The following ASTN2 variants were observed in gnomAD, a reference collection of about 807,000 sequenced individuals.
ASTN2 encodes the protein astrotactin-2.
A neutral mutation model predicts 139.8 loss-of-function variants in ASTN2; 54 were observed. The ratio of observed to expected loss-of-function variants is 0.39; its 90% CI spans 0.31 to 0.48. ASTN2 has a LOEUF of 0.48. Ranked by LOEUF, ASTN2 falls within the 20% of genes least tolerant of loss-of-function variation. ASTN2 has a pLI of 0.95. For synonymous variants in ASTN2, 756 were observed against 719.5 expected, an observed-to-expected ratio of 1.05 and a Z score of -0.81; for missense variants, 1,565 against 1,725.1, an observed-to-expected ratio of 0.91 and a Z score of 1.64.
intron 5 of ASTN2, among the ~76,000 whole-genome samples, chr9:117,040,566 C>G (rs1838533659): frequency 6.6e-6 from 1 of 152,214 alleles, no homozygotes; most frequent in African/African-American, 2.4e-5. Context: ...TCAAGTGATT[C>G]TCCCACTTCA....
chr9:117,180,458 G>A (rs1009471104), intron 3 of ASTN2, among the ~76,000 whole-genome samples: 4 of 152,082 alleles, frequency 2.6e-5, no homozygotes, highest in East Asian at 1.9e-4. Flanking sequence ...CAGCTCAAAT[G>A]TCTCCTCTTG....
chr9:116,877,418 T>C (rs774386937), intron 10 of ASTN2, among the ~76,000 whole-genome samples: 1 of 152,222 alleles, frequency 6.6e-6, no homozygotes, highest in African/African-American at 2.4e-5. Context: ...TCTATATCTA[T>C]GGCTATAGCT....
chr9:117,114,818 T>C (rs137893697), intron 4 of ASTN2, among the ~76,000 whole-genome samples: 1,652 of 152,262 alleles, frequency 0.011, 31 homozygotes, highest in African/African-American at 0.038. Flanking sequence ...AACCAGTCAC[T>C]ATCCAAGAAA....
At chr9:117,323,774 T>TCA (rs1828417933) in intron 1 of ASTN2, among the ~76,000 whole-genome samples, 1 of 152,160 alleles carries the variant, frequency 6.6e-6, no homozygotes, top group African/African-American at 2.4e-5. Context: ...TTTTCTTTCT[T>TCA]TATATATATA....
chr9:116,540,440 A>T (rs1851829354), intron 19 of ASTN2: 1 of 152,252 alleles, frequency 6.6e-6, no homozygotes, highest in African/African-American at 2.4e-5. Flanking sequence ...TGAATCTCAG[A>T]TCCCCAGAGA....
intron 1 of ASTN2, among the ~76,000 whole-genome samples, chr9:117,358,317 C>A (rs1201967056): frequency 3.3e-5 from 5 of 151,872 alleles, no homozygotes; most frequent in Non-Finnish European, 5.9e-5. Context: ...CATCCACACA[C>A]ATACCCAAGG....
chr9:117,280,743 C>A (rs572684497), intron 2 of ASTN2, among the ~76,000 whole-genome samples: 26 of 152,038 alleles, frequency 1.7e-4, no homozygotes, highest in Non-Finnish European at 3.2e-4. Flanking sequence ...TCACGGCAGC[C>A]TTAGGAAGCA....
At chr9:117,112,363 G>C (rs1829272333) in intron 4 of ASTN2, among the ~76,000 whole-genome samples, 1 of 152,006 alleles carries the variant, frequency 6.6e-6, no homozygotes. Flanking sequence ...AAAGTTGGTA[G>C]ACTTAACACT....
At chr9:117,279,290 T>C (rs898775188) in intron 2 of ASTN2, among the ~76,000 whole-genome samples, 20 of 152,224 alleles carry the variant, frequency 1.3e-4, no homozygotes, top group Admixed American at 3.9e-4. Flanking sequence ...ACTAGAAATA[T>C]ATGTTTAATT....
intron 12 of ASTN2, among the ~76,000 whole-genome samples, chr9:116,810,768 A>C (rs368833373): frequency 6.6e-6 from 1 of 152,162 alleles, no homozygotes; most frequent in Admixed American, 6.5e-5. Flanking sequence ...TATAAGATAG[A>C]TGTTATCCAT....
intron 7 of ASTN2, among the ~76,000 whole-genome samples, chr9:117,005,325 G>C (rs761065811): frequency 5.9e-5 from 9 of 151,486 alleles, no homozygotes; most frequent in South Asian, 4.2e-4. Flanking sequence ...CTGACCTAGT[G>C]ATCCACCTGT....
chr9:117,296,170 C>T (rs532610847), intron 1 of ASTN2, among the ~76,000 whole-genome samples: 18 of 149,712 alleles, frequency 1.2e-4, no homozygotes, highest in Non-Finnish European at 2.5e-4. Context: ...CCCAGCTACT[C>T]GGAAGGCTGA....
Position 116,725,929 on chromosome 9 carries a change from A to T in ASTN2, c.2648T>A (p.Ile883Asn). The T allele has an allele frequency of 6.2e-7, 1 of 1,613,394 alleles. No homozygotes were observed. The highest frequency in any genetic ancestry group is 8.5e-7 in the Non-Finnish European group (1 of 1,179,804). The change falls in exon 16 of 23, where the codon ATC becomes AAC. Residue 883 changes from isoleucine to asparagine, a missense_variant. Physicochemically the swap from Ile to Asn is moderately radical, Grantham distance 149. Transcript: ENST00000313400. ...CTCCCGACTGCTCTCCTTGGTCAGG[A>T]TCTTGAGAACATTAGTGAAGCCTGG... ...LAAGFTNVLK[I>N]LTKESSREEL...
chr9:116,929,117 G>A (rs1834833348), intron 10 of ASTN2, among the ~76,000 whole-genome samples: 1 of 152,168 alleles, frequency 6.6e-6, no homozygotes, highest in Non-Finnish European at 1.5e-5. Context: ...AAAGGACTTG[G>A]GAACTAGAAT....
At chr9:116,946,855 C>T (rs2132478620) in intron 10 of ASTN2, among the ~76,000 whole-genome samples, 1 of 150,502 alleles carries the variant, frequency 6.6e-6, no homozygotes, top group East Asian at 2.0e-4. Context: ...GGCTTTTCCC[C>T]ATGCCACCCC....
At chr9:117,323,897 A>C (rs10983619) in intron 1 of ASTN2, among the ~76,000 whole-genome samples, 50,288 of 152,058 alleles carry the variant, frequency 0.33, 8,991 homozygotes, top group East Asian at 0.48. Context: ...TGTGTAACTC[A>C]CTTCACTTAA....
chr9:116,906,106 G>A (rs1834151519), intron 10 of ASTN2, among the ~76,000 whole-genome samples: 1 of 151,974 alleles, frequency 6.6e-6, no homozygotes, highest in Admixed American at 6.6e-5. Context: ...CAGTGCTTGG[G>A]GCTCGAGATG....
At chr9:117,283,105 C>G (rs937146955) in intron 2 of ASTN2, among the ~76,000 whole-genome samples, 1 of 151,698 alleles carries the variant, frequency 6.6e-6, no homozygotes, top group Admixed American at 6.6e-5. Flanking sequence ...GGTGAGATGA[C>G]TAGCCTGCAT....
At chr9:116,884,099 G>A (rs1022475006) in intron 10 of ASTN2, among the ~76,000 whole-genome samples, 2 of 152,164 alleles carry the variant, frequency 1.3e-5, no homozygotes, top group Admixed American at 1.3e-4. Context: ...AAGATCAAGC[G>A]GAGTGTGCCT....
Sources: allele counts gnomAD v4.1 joint callset (sites outside exome capture counted in the v4.1 genomes callset), GRCh38; gene constraint gnomAD v4.1.1; transcripts MANE v1.5; gene names NCBI Gene and HGNC (gene_info 2026-07-23, HGNC 2026-07-21).